Variants in RUSC1 observed in about 807,000 individuals in gnomAD.
The protein encoded by RUSC1 is AP-4 complex accessory subunit RUSC1.
A neutral mutation model predicts 72.1 loss-of-function variants in RUSC1; 40 were observed. The observed-to-expected ratio is 0.55, with a 90% confidence interval of 0.43 to 0.72. The LOEUF is 0.72. Among genes scored for constraint, RUSC1 ranks in the 30% least tolerant of loss-of-function variants. The pLI, the probability that RUSC1 is intolerant of heterozygous loss-of-function variation, is 0.00. For synonymous variants in RUSC1, 512 were observed against 494.2 expected (o/e 1.04, Z -0.48); for missense variants, 1,092 against 1,172.3 (o/e 0.93, Z 1.00).
At position 155,325,697 on chromosome 1, in the gene RUSC1, C is replaced by T; in HGVS notation, c.1814+25C>T. On this transcript the variant is annotated intron_variant, in intron 6 of 9. Transcript: ENST00000368352. The surrounding 1 kb of genome is among the most constrained non-coding windows in gnomAD (Gnocchi z 6.5). ...AGTGAGTTGCCTTCTTTCCAGTGCC[C>T]TTCCCACGACCTGGGACTGCAGGAG... 1 of 1,611,346 alleles carries T rather than the reference C, an allele frequency of 6.2e-7. No individual in the cohort carries two copies. The highest frequency in any genetic ancestry group is 8.5e-7 in the Non-Finnish European group (1 of 1,178,096).
At chr1:155,329,941 ACT>A (rs1651838327) in intron 9 of RUSC1, among the ~76,000 whole-genome samples, 1 of 139,922 alleles carries the variant, frequency 7.1e-6, no homozygotes, top group South Asian at 2.3e-4. Context: ...ACAGAGACTG[ACT>A]CTGTCTCAAG....
intron 1 of RUSC1, chr1:155,321,367 G>GC: frequency 7.2e-7 from 1 of 1,379,772 alleles, no homozygotes; most frequent in Non-Finnish European, 9.7e-7. Context: ...AGGCTGGAGG[G>GC]CAGGGCCAGA....
At position 155,327,029 on chromosome 1, in the gene RUSC1, C is replaced by T. The variant is rs1385732382; in HGVS notation, c.2311C>T (p.Leu771=). 6.2e-7 allele frequency: 1 copy of T among 1,613,518 alleles called. No individual in the cohort carries two copies. Among genetic ancestry groups the T allele is most frequent in the South Asian group, 1.1e-5 (1 of 91,076 alleles). The part of the protein sequence containing the change: ...AAEEGAQERP[L]PTDEMAPGRG... ...TGAAGAAGGTGCACAGGAGAGACCC[C>T]TGCCCACAGATGAGATGGCACCAGG... The change falls in exon 8 of 10, where the codon CTG becomes TTG. Residue 771 remains leucine, a synonymous_variant. Coordinates refer to ENST00000368352, the MANE Select transcript of RUSC1 (RefSeq NM_001105203.2).
Position 155,325,583 on chromosome 1 carries a change from C to T in RUSC1, c.1725C>T (p.Ser575=), listed in dbSNP as rs764017968. 1.9e-6 allele frequency: 3 copies of T among 1,611,262 alleles called. No individual in the cohort carries two copies. The highest frequency in any genetic ancestry group is 2.2e-5 in the South Asian group (2 of 91,088). Residue 575 remains serine (S), a synonymous_variant, in exon 6 of 10, where the codon TCC becomes TCT. Coordinates refer to ENST00000368352, the MANE Select transcript of RUSC1 (RefSeq NM_001105203.2). The surrounding 1 kb of genome is among the most constrained non-coding windows in gnomAD (Gnocchi z 6.5). ...CGTTCTCAGGCTCCAGCACCCGCTC[C>T]CTTGGAACCCTGTATAGCCAGGTCA... ...ASVKPGSSTR[S]LGTLYSQVSR...
intron 2 of RUSC1, 41 bp from the exon 3 acceptor site, chr1:155,324,804 C>T (rs1393927872): frequency 1.9e-6 from 3 of 1,614,090 alleles, no homozygotes; most frequent in Non-Finnish European, 2.5e-6. Context: ...CTCGGAATAA[C>T]ACTTGGTAAG....
In RUSC1 at chr1:155,321,933, C is replaced by T. The variant is rs1158377985; in HGVS notation, c.160C>T (p.Pro54Ser). The change falls in exon 2 of 10, where the codon CCC (proline) becomes TCC (serine). Residue 54 changes from proline (P) to serine (S), a missense_variant. Transcript: ENST00000368352. Reference protein sequence around the residue: ...GDTGGKESRGPCSGTLVDANS... With the variant: ...GDTGGKESRGSCSGTLVDANS... ...CACTGGGGGCAAGGAGAGCAGGGGC[C>T]CCTGCAGTGGCACCCTGGTGGACGC... is the stretch of plus-strand genomic sequence containing the variant. The T allele has an allele frequency of 3.1e-6, 5 of 1,604,814 alleles. No homozygotes were observed. In the Admixed American group the frequency reaches 8.5e-5, roughly 27 times the overall value.
intron 2 of RUSC1, chr1:155,324,121 T>G: frequency 8.1e-7 from 1 of 1,236,604 alleles, no homozygotes; most frequent in East Asian, 4.7e-5. Flanking sequence ...GAGTCTGTTG[T>G]TAGGGGCTTT....
rs376239371 is a variant in RUSC1, at chr1:155,324,960, C to T, written c.1456+17C>T. The T allele has an allele frequency of 1.4e-4, 223 of 1,613,976 alleles. 2 individuals are homozygous for T. Among genetic ancestry groups the T allele is most frequent in the Non-Finnish European group, 1.8e-4 (210 of 1,179,988 alleles). ...AGAAGAAAGGTAGGGCACCCTGACT[C>T]CCGACCCCGCGCTTCCGAATAAACT... On this transcript the variant is annotated intron_variant, in intron 3 of 9. Transcript: ENST00000368352.
Position 155,326,737 on chromosome 1 carries a change from GGGCCCACCTCAGGCCCCTGCCCCTCCA to G in RUSC1, c.2030_2056del (p.Gln677_Pro685del), listed in dbSNP as rs1207586609. ...TTGAGCACCACCACCACCTGCCCCTGGGCCCACCTCAGGCCCCTGCCCCTCCAGGCCCACCTCCAGCTCTGCAGCAGA... is the reference window on the plus strand; with the variant it reads ...TTGAGCACCACCACCACCTGCCCCTGGGCCCACCTCCAGCTCTGCAGCAGA... On this transcript the variant is annotated inframe_deletion, in exon 8 of 10. Coordinates refer to ENST00000368352, the MANE Select transcript of RUSC1 (RefSeq NM_001105203.2). The surrounding 1 kb of genome is among the most constrained non-coding windows in gnomAD (Gnocchi z 4.7). The G allele has an allele frequency of 3.1e-6, 5 of 1,613,240 alleles. No individual in the cohort carries two copies. Among genetic ancestry groups the G allele is most frequent in the African/African-American group, 2.7e-5 (2 of 75,052 alleles).
chr1:155,326,942 T>C lies in RUSC1; in HGVS notation c.2224T>C (p.Ser742Pro), dbSNP rs1027438892. The change falls in exon 8 of 10, where the codon TCT (serine) becomes CCT (proline). Residue 742 changes from serine (S) to proline (P), a missense_variant. Ser to Pro is a moderately conservative substitution (Grantham distance 74, BLOSUM62 -1). Transcript: ENST00000368352. The surrounding 1 kb of genome is among the most constrained non-coding windows in gnomAD (Gnocchi z 4.7). ...GACCCAGGCCTCCCGGGTCTATGCC[T>C]CTGGGGGCACTGAGGGCTTTCCTCT... is the stretch of plus-strand genomic sequence containing the variant. ...QLTQASRVYASGGTEGFPLSR... is the reference protein window; with the variant it reads ...QLTQASRVYAPGGTEGFPLSR... 6.2e-7 allele frequency: 1 copy of C among 1,613,684 alleles called. No individual in the cohort carries two copies. Among genetic ancestry groups the C allele is most frequent in the Non-Finnish European group, 8.5e-7 (1 of 1,180,042 alleles).
At position 155,324,512 on chromosome 1, in the gene RUSC1, C is replaced by A. The variant is rs954128426; in HGVS notation, c.1358-333C>A. ...CTCCCTCCCCGCGCCCCGTCCTCTC[C>A]CGCCCTACAGGCCCTAGCAGGGCAG... On this transcript the variant is annotated intron_variant, in intron 2 of 9. Coordinates refer to ENST00000368352, the MANE Select transcript of RUSC1 (RefSeq NM_001105203.2). 3 of 1,605,384 alleles carry A rather than the reference C, an allele frequency of 1.9e-6. No individual in the cohort carries two copies. In the African/African-American group the frequency reaches 4.0e-5, roughly 22 times the overall value.
At chr1:155,329,335 C>T (rs1430948313) in intron 9 of RUSC1, among the ~76,000 whole-genome samples, 1 of 151,072 alleles carries the variant, frequency 6.6e-6, no homozygotes, top group Non-Finnish European at 1.5e-5. Flanking sequence ...ATCTGCCTAC[C>T]TTGGCCTCCC....
Position 155,323,044 on chromosome 1 carries a change from A to G in RUSC1, c.1271A>G (p.Gln424Arg). ...RPGLQPIAEG[Q>R]SEEGRAVSPA... ...GGACTGCAGCCCATAGCGGAGGGGC[A>G]GTCCGAGGAGGGCCGGGCTGTCAGC... Residue 424 changes from glutamine to arginine, a missense_variant, in exon 2 of 10, where the codon CAG (glutamine) becomes CGG (arginine). By Grantham distance (43) the Gln-to-Arg change is conservative. Coordinates refer to ENST00000368352, the MANE Select transcript of RUSC1 (RefSeq NM_001105203.2). The G allele has an allele frequency of 7.4e-7, 1 of 1,354,260 alleles. No homozygotes were observed. The highest frequency in any genetic ancestry group is 9.6e-7 in the Non-Finnish European group (1 of 1,043,536). 83.9% of individuals were successfully genotyped at this position (1,354,260 alleles called of 1,614,324 possible).
intron 8 of RUSC1, 69 bp from the exon 9 acceptor site, chr1:155,328,081 C>G: frequency 6.4e-7 from 1 of 1,554,578 alleles, no homozygotes. Flanking sequence ...CTCTCCCTCC[C>G]TCCAAACCCC....
chr1:155,321,480 C>A (rs1226460411), intron 1 of RUSC1: 2 of 1,469,982 alleles, frequency 1.4e-6, no homozygotes, highest in East Asian at 6.1e-5. Flanking sequence ...CTGACCCTCC[C>A]GGCTCCATTC....
In RUSC1 at chr1:155,323,036, G is replaced by A. The variant is rs1474513172; in HGVS notation, c.1263G>A (p.Ala421=). 2 of 1,459,324 alleles carry A rather than the reference G, an allele frequency of 1.4e-6. No homozygotes were observed. The highest frequency in any genetic ancestry group is 1.8e-6 in the Non-Finnish European group (2 of 1,104,866). The allele number at this position is 1,459,324 out of a possible 1,614,324, so 90.4% of individuals were successfully genotyped here. A position where few individuals can be genotyped will look rare whatever the true frequency, so the allele number is the denominator to read the frequency against. Reference sequence around the variant, plus strand: ...ACCGACCTGGACTGCAGCCCATAGCGGAGGGGCAGTCCGAGGAGGGCCGGG... The same window carrying A: ...ACCGACCTGGACTGCAGCCCATAGCAGAGGGGCAGTCCGAGGAGGGCCGGG... The part of the protein sequence containing the change: ...KKNRPGLQPI[A]EGQSEEGRAV... The change falls in exon 2 of 10, where the codon GCG becomes GCA. Residue 421 remains alanine, a synonymous_variant. Transcript: ENST00000368352.
intron 1 of RUSC1, chr1:155,321,226 T>G (rs759316724): frequency 7.4e-7 from 1 of 1,358,678 alleles, no homozygotes; most frequent in East Asian, 4.6e-5. Context: ...TCCATCCTTT[T>G]CCTCTCCAGC....
Position 155,323,979 on chromosome 1 carries a change from C to T in RUSC1, c.1357+849C>T, listed in dbSNP as rs570532248. 3.8e-3 allele frequency: 3,819 copies of T among 1,013,974 alleles called. 6 individuals are homozygous for T. The highest frequency in any genetic ancestry group is 4.4e-3 in the Non-Finnish European group (3,692 of 847,162). The allele number at this position is 1,013,974 out of a possible 1,614,324, so 62.8% of individuals were successfully genotyped here. A position where few individuals can be genotyped will look rare whatever the true frequency, so the allele number is the denominator to read the frequency against. On this transcript the variant is annotated intron_variant, in intron 2 of 9. Transcript: ENST00000368352. ...TTGTCGGCCTTGGGGAGTCTGGCCC[C>T]GTTCCTAGTGCTGGAGGGGGAAGTT... is the stretch of plus-strand genomic sequence containing the variant.
Position 155,325,191 on chromosome 1 carries a change from G to A in RUSC1, c.1533+13G>A, listed in dbSNP as rs1458389082. On this transcript the variant is annotated intron_variant, in intron 4 of 9. Transcript: ENST00000368352. The surrounding 1 kb of genome is among the most constrained non-coding windows in gnomAD (Gnocchi z 6.5). The stretch of plus-strand genomic sequence containing the variant: ...CTTGGTGCAGAAGGTGAAGGTGGCT[G>A]GGGGGAGGCTGTTGGGATGAGGAGA... 2 of 1,614,074 alleles carry A rather than the reference G, an allele frequency of 1.2e-6. No individual in the cohort carries two copies. The highest frequency in any genetic ancestry group is 1.7e-6 in the Non-Finnish European group (2 of 1,180,006).
Sources: allele counts gnomAD v4.1 joint callset (sites outside exome capture counted in the v4.1 genomes callset), GRCh38; gene constraint gnomAD v4.1.1; non-coding constraint Gnocchi (gnomAD v3.1); transcripts MANE v1.5; gene names NCBI Gene and HGNC (gene_info 2026-07-23, HGNC 2026-07-21).